The following LRP2 variants were observed in gnomAD, a reference collection of about 807,000 sequenced individuals.
LRP2 encodes LDL receptor related protein 2.
A neutral mutation model predicts 531.0 loss-of-function variants in LRP2; 172 were observed. That is an observed-to-expected ratio of 0.32 (90% CI 0.29 to 0.37). The LOEUF (loss-of-function observed/expected upper bound fraction) is 0.37, where lower values mean the gene tolerates loss of function less well. Ranked by LOEUF, LRP2 falls within the 10% of genes least tolerant of loss-of-function variation. LRP2 has a pLI of 1.00. For synonymous variants in LRP2, 1,992 were observed against 2,027.6 expected (o/e 0.98, Z 0.47); for missense variants, 5,167 against 5,868.3 (o/e 0.88, Z 3.90).
At chr2:169,294,108 A>T (rs1167288630) in intron 6 of LRP2, 40 bp downstream of exon 6, 1 of 1,393,144 alleles carries the variant, frequency 7.2e-7, no homozygotes, top group Non-Finnish European at 1.0e-6. Context: ...AAAACAAAAC[A>T]CTCCCAACAA....
chr2:169,304,292 C>T (rs1217425612), intron 4 of LRP2, among the ~76,000 whole-genome samples: 2 of 152,046 alleles, frequency 1.3e-5, no homozygotes, highest in East Asian at 1.9e-4. Flanking sequence ...TAAATAAAGC[C>T]CTCCATGAAG....
intron 61 of LRP2, 65 bp downstream of exon 61, chr2:169,168,474 C>A (rs547418201): frequency 6.6e-7 from 1 of 1,505,436 alleles, no homozygotes; most frequent in African/African-American, 1.4e-5. Context: ...ACATGCTACA[C>A]GTAAGAAACA....
intron 10 of LRP2, among the ~76,000 whole-genome samples, chr2:169,281,062 AT>A (rs1216855116): frequency 2.1e-4 from 32 of 152,250 alleles, no homozygotes; most frequent in Non-Finnish European, 3.1e-4. Flanking sequence ...TGATATAAAA[AT>A]TGATCAGTAG....
intron 51 of LRP2, 138 bp from the exon 52 acceptor site, chr2:169,181,756 A>G (rs1687445990): frequency 1.4e-6 from 1 of 722,878 alleles, no homozygotes. Flanking sequence ...TTCTGCATTC[A>G]GAAAAGAAAG....
At chr2:169,200,076 TC>T (rs1559011550) in intron 44 of LRP2, among the ~76,000 whole-genome samples, 1 of 151,868 alleles carries the variant, frequency 6.6e-6, no homozygotes, top group Non-Finnish European at 1.5e-5. Flanking sequence ...TGGTGAAACC[TC>T]GTCTCTACTA....
At position 169,294,713 on chromosome 2, in the gene LRP2, A is replaced by G; in HGVS notation, c.428-3T>C. On this transcript the variant is annotated splice_polypyrimidine_tract_variant and splice_region_variant and intron_variant, in intron 4 of 78. Coordinates refer to ENST00000649046, the MANE Select transcript of LRP2 (RefSeq NM_004525.3). Reference sequence around the variant, plus strand: ...AAGCTGCTCACATGTTGGGTACTCTATTGTAAAAAAAAAAAAAAAAAAAAA... The same window carrying G: ...AAGCTGCTCACATGTTGGGTACTCTGTTGTAAAAAAAAAAAAAAAAAAAAA... The G allele has an allele frequency of 1.3e-6, 1 of 778,508 alleles. No homozygotes were observed. The highest frequency in any genetic ancestry group is 2.0e-6 in the Non-Finnish European group (1 of 508,090). 48.2% of individuals were successfully genotyped at this position (778,508 alleles called of 1,614,324 possible).
chr2:169,227,538 A>C (rs1441824535), intron 31 of LRP2, among the ~76,000 whole-genome samples: 2 of 152,332 alleles, frequency 1.3e-5, no homozygotes, highest in East Asian at 3.9e-4. Context: ...GTTTTGGGTT[A>C]AGATATATGT....
At chr2:169,262,871 C>G (rs1690625611) in intron 16 of LRP2, among the ~76,000 whole-genome samples, 2 of 152,148 alleles carry the variant, frequency 1.3e-5, no homozygotes, top group East Asian at 3.9e-4. Context: ...GTAAGCAAAA[C>G]AGCATGGTAC....
chr2:169,331,040 G>T (rs980450612), intron 1 of LRP2, among the ~76,000 whole-genome samples: 1 of 152,080 alleles, frequency 6.6e-6, no homozygotes, highest in Non-Finnish European at 1.5e-5. Flanking sequence ...TTCCAGGAAG[G>T]CCTGTTTCAC....
chr2:169,166,028 G>T lies in LRP2; in HGVS notation c.11662C>A (p.Arg3888Ser). The stretch of plus-strand genomic sequence containing the variant: ...CAGCGATTGTTGTCACACCGGAAAC[G>T]GTTTGGTGAATTACAGGGAACATCC... ...CLDVPCNSPN[R>S]FRCDNNRCIY... Residue 3888 changes from arginine (R) to serine (S), a missense_variant, in exon 62 of 79, where the codon CGT becomes AGT. Arg to Ser is a moderately radical substitution (Grantham distance 110). Coordinates refer to ENST00000649046, the MANE Select transcript of LRP2 (RefSeq NM_004525.3). The T allele has an allele frequency of 6.2e-7, 1 of 1,613,994 alleles. No homozygotes were observed. The highest frequency in any genetic ancestry group is 1.3e-5 in the African/African-American group (1 of 75,016).
chr2:169,304,267 G>A (rs540630251), intron 4 of LRP2, among the ~76,000 whole-genome samples: 1 of 152,238 alleles, frequency 6.6e-6, no homozygotes, highest in Non-Finnish European at 1.5e-5. Flanking sequence ...TACAAGATAG[G>A]ACTTTCTCCT....
intron 3 of LRP2, among the ~76,000 whole-genome samples, chr2:169,309,480 A>G (rs1684530138): frequency 6.6e-6 from 1 of 152,214 alleles, no homozygotes; most frequent in Non-Finnish European, 1.5e-5. Context: ...TTAAATAGGG[A>G]ATCCTTTTCC....
At chr2:169,219,877 A>G (rs1219965882) in intron 34 of LRP2, among the ~76,000 whole-genome samples, 2 of 152,182 alleles carry the variant, frequency 1.3e-5, no homozygotes, top group African/African-American at 4.8e-5. Context: ...TCAACTTCTT[A>G]GCATGATATT....
At chr2:169,165,008 A>G (rs1686732352) in intron 62 of LRP2, among the ~76,000 whole-genome samples, 1 of 152,218 alleles carries the variant, frequency 6.6e-6, no homozygotes, top group Non-Finnish European at 1.5e-5. Context: ...GCTATAATGT[A>G]TTAATGCTAT....
chr2:169,347,518 C>T (rs951663244), intron 1 of LRP2, among the ~76,000 whole-genome samples: 7 of 150,004 alleles, frequency 4.7e-5, no homozygotes, highest in East Asian at 1.9e-4. Flanking sequence ...CTGTCCCTAA[C>T]GGAAGGTTAA....
intron 31 of LRP2, among the ~76,000 whole-genome samples, chr2:169,227,423 T>C (rs778308362): frequency 4.6e-5 from 7 of 152,224 alleles, no homozygotes; most frequent in Non-Finnish European, 1.0e-4. Flanking sequence ...CCTTAATAGA[T>C]AATAAAAGTT....
intron 1 of LRP2, among the ~76,000 whole-genome samples, chr2:169,354,514 C>T (rs907506641): frequency 2.6e-5 from 4 of 152,132 alleles, no homozygotes; most frequent in South Asian, 2.1e-4. Flanking sequence ...GACCTGAGGG[C>T]TAATGACCAA....
chr2:169,233,620 T>C (rs1689494621), intron 29 of LRP2, 32 bp from the exon 30 acceptor site: 1 of 1,608,006 alleles, frequency 6.2e-7, no homozygotes, highest in Non-Finnish European at 8.5e-7. Context: ...TGAGACCTCA[T>C]CCAAAAATCA....
At chr2:169,289,586 C>T (rs892845188) in intron 8 of LRP2, among the ~76,000 whole-genome samples, 6 of 151,796 alleles carry the variant, frequency 4.0e-5, no homozygotes, top group African/African-American at 1.2e-4. Flanking sequence ...GAAAAAGCTC[C>T]TTTTTAAAGT....
Sources: allele counts gnomAD v4.1 joint callset (sites outside exome capture counted in the v4.1 genomes callset), GRCh38; gene constraint gnomAD v4.1.1; transcripts MANE v1.5; gene names NCBI Gene and HGNC (gene_info 2026-07-23, HGNC 2026-07-21).